HSD17B12: variants seen among roughly 807,000 people sequenced by gnomAD.
HSD17B12 encodes very-long-chain 3-oxoacyl-CoA reductase.
Under a neutral mutation model 39.3 loss-of-function variants are expected in HSD17B12, and 32 were observed. That is an observed-to-expected ratio of 0.81 (90% CI 0.61 to 1.09). HSD17B12 has a LOEUF of 1.09. Ranked by LOEUF, HSD17B12 falls within the 50% of genes least tolerant of loss-of-function variation. The probability of loss-of-function intolerance (pLI) is 0.00; values close to 1 mark genes in which losing one functional copy is unlikely to be tolerated. For missense variants in HSD17B12, 342 were observed against 382.9 expected, an observed-to-expected ratio of 0.89 and a Z score of 0.89; for synonymous variants, 150 against 146.7, an observed-to-expected ratio of 1.02 and a Z score of -0.16.
intron 3 of HSD17B12, among the ~76,000 whole-genome samples, chr11:43,790,968 T>C (rs1277558213): frequency 6.6e-6 from 1 of 152,088 alleles, no homozygotes; most frequent in Non-Finnish European, 1.5e-5. Flanking sequence ...CATTCCAGCC[T>C]GGGCAACAAA....
chr11:43,847,216 C>G (rs116984328), intron 9 of HSD17B12, among the ~76,000 whole-genome samples: 1,775 of 152,210 alleles, frequency 0.012, 15 homozygotes, highest in Non-Finnish European at 0.019. Flanking sequence ...TGGAAATGCT[C>G]TTAACAAGGA....
At chr11:43,612,550 A>G in the HSD17B12 span, among the ~76,000 whole-genome samples, 1 of 152,160 alleles carries the variant, frequency 6.6e-6, no homozygotes, top group Non-Finnish European at 1.5e-5. Context: ...GAACTGCTCC[A>G]GACAAGGAGG....
the HSD17B12 span, among the ~76,000 whole-genome samples, chr11:43,647,826 G>A: frequency 2.6e-5 from 4 of 152,112 alleles, no homozygotes; most frequent in African/African-American, 9.7e-5. Context: ...AGAGAAAGAG[G>A]AGTGGTATTT....
chr11:43,753,000 G>A (rs1160386584), intron 2 of HSD17B12, among the ~76,000 whole-genome samples: 1 of 152,038 alleles, frequency 6.6e-6, no homozygotes, highest in Non-Finnish European at 1.5e-5. Context: ...ATATTAGTTT[G>A]CTAAATCACT....
intron 1 of HSD17B12, among the ~76,000 whole-genome samples, chr11:43,716,837 G>A (rs1447541889): frequency 6.6e-6 from 1 of 151,148 alleles, no homozygotes; most frequent in Non-Finnish European, 1.5e-5. Context: ...GGAGTCAGGA[G>A]TTTCCCAGGT....
At chr11:43,644,322 GAA>G in the HSD17B12 span, 3 of 152,246 alleles carry the variant, frequency 2.0e-5, no homozygotes, top group South Asian at 6.2e-4. Flanking sequence ...GGTCCCGTTA[GAA>G]GGCCACCAAC....
chr11:43,833,032 C>T (rs1173282871), intron 7 of HSD17B12: 1 of 123,612 alleles, frequency 8.1e-6, no homozygotes, highest in Admixed American at 8.6e-5. Context: ...GACCCTGTCT[C>T]AAAAAAAAAA....
At chr11:43,642,191 T>C in the HSD17B12 span, among the ~76,000 whole-genome samples, 2 of 151,808 alleles carry the variant, frequency 1.3e-5, no homozygotes, top group Non-Finnish European at 3.0e-5. Context: ...GGGAAATTAC[T>C]AAATTTTTTG....
chr11:43,611,942 C>G, the HSD17B12 span, among the ~76,000 whole-genome samples: 1 of 152,198 alleles, frequency 6.6e-6, no homozygotes, highest in Non-Finnish European at 1.5e-5. Context: ...GCATAATCTA[C>G]TCTTGCTTGG....
chr11:43,771,562 G>A (rs1280820937), intron 3 of HSD17B12, among the ~76,000 whole-genome samples: 1 of 150,130 alleles, frequency 6.7e-6, no homozygotes, highest in Non-Finnish European at 1.5e-5. Context: ...CACCTCCCGG[G>A]CTCAAGTGAT....
the HSD17B12 span, among the ~76,000 whole-genome samples, chr11:43,621,545 T>C: frequency 6.6e-6 from 1 of 152,080 alleles, no homozygotes; most frequent in East Asian, 1.9e-4. Context: ...CGAAACTCCC[T>C]CTCTACAAAA....
the HSD17B12 span, among the ~76,000 whole-genome samples, chr11:43,630,498 G>A: frequency 3.3e-5 from 5 of 152,122 alleles, no homozygotes; most frequent in Non-Finnish European, 7.4e-5. Flanking sequence ...ATACTACCTT[G>A]GAGGGTACTC....
At chr11:43,788,738 A>C (rs1950840187) in intron 3 of HSD17B12, among the ~76,000 whole-genome samples, 1 of 151,556 alleles carries the variant, frequency 6.6e-6, no homozygotes, top group Non-Finnish European at 1.5e-5. Context: ...TTCCCAGTTT[A>C]ATAACCTCTC....
chr11:43,725,301 GT>G (rs1385639892), intron 1 of HSD17B12, among the ~76,000 whole-genome samples: 1 of 152,116 alleles, frequency 6.6e-6, no homozygotes, highest in Admixed American at 6.6e-5. Flanking sequence ...TATTGCAAAG[GT>G]TAAAAAAGAT....
At chr11:43,654,329 C>A in the HSD17B12 span, among the ~76,000 whole-genome samples, 1 of 152,094 alleles carries the variant, frequency 6.6e-6, no homozygotes, top group Non-Finnish European at 1.5e-5. Context: ...CAAAAATTTT[C>A]TCCCATTCTG....
In HSD17B12 at chr11:43,726,117, CACTT is replaced by C. The variant is rs534230238; in HGVS notation, c.161-24791_161-24788del. 9.9e-4 allele frequency among the ~76,000 whole-genome samples: 150 copies of C among 152,276 alleles called. 1 individual carries two copies. Among genetic ancestry groups the C allele is most frequent in the African/African-American group, 3.2e-3 (133 of 41,562 alleles). Reference sequence around the variant, plus strand: ...AATGATAATAAAAGCATATGGCTGACACTTACGTAATGCTAATTAGGTATCACAC... The same window carrying C: ...AATGATAATAAAAGCATATGGCTGACACGTAATGCTAATTAGGTATCACAC... On this transcript the variant is annotated intron_variant, in intron 1 of 10. Transcript: ENST00000278353.
At chr11:43,838,174 A>C (rs540868195) in intron 7 of HSD17B12, 143 bp from the exon 8 acceptor site, 15 of 648,504 alleles carry the variant, frequency 2.3e-5, no homozygotes, top group Non-Finnish European at 3.6e-5. Flanking sequence ...CATAGCACAT[A>C]CTGATGAAAG....
At chr11:43,577,475 C>T in the HSD17B12 span, among the ~76,000 whole-genome samples, 1 of 152,196 alleles carries the variant, frequency 6.6e-6, no homozygotes, top group African/African-American at 2.4e-5. Context: ...AGAGGCCAGG[C>T]ACTATCCGGG....
the HSD17B12 span, among the ~76,000 whole-genome samples, chr11:43,598,942 C>G: frequency 5.3e-5 from 8 of 152,320 alleles, no homozygotes; most frequent in Non-Finnish European, 8.8e-5. Context: ...GATATGGACC[C>G]TAAACCAGAC....
Sources: allele counts gnomAD v4.1 joint callset (sites outside exome capture counted in the v4.1 genomes callset), GRCh38; gene constraint gnomAD v4.1.1; transcripts MANE v1.5; gene names NCBI Gene and HGNC (gene_info 2026-07-23, HGNC 2026-07-21).